The following GPATCH2 variants were observed in gnomAD, a reference collection of about 807,000 sequenced individuals.
The protein encoded by GPATCH2 is G patch domain-containing protein 2.
A neutral mutation model predicts 58.0 loss-of-function variants in GPATCH2; 51 were observed. That is an observed-to-expected ratio of 0.88 (90% confidence interval 0.70 to 1.11). GPATCH2 has a LOEUF of 1.11. Among genes scored for constraint, GPATCH2 ranks in the 50% most tolerant of loss-of-function variants. The probability of loss-of-function intolerance (pLI) is 0.00; values close to 1 mark genes in which losing one functional copy is unlikely to be tolerated. For missense variants in GPATCH2, 625 were observed against 652.2 expected, an observed-to-expected ratio of 0.96 and a Z score of 0.45; for synonymous variants, 222 against 218.5, an observed-to-expected ratio of 1.02 and a Z score of -0.14.
At chr1:217,596,445 C>T (rs1357137327) in intron 5 of GPATCH2, among the ~76,000 whole-genome samples, 1 of 152,110 alleles carries the variant, frequency 6.6e-6, no homozygotes, top group African/African-American at 2.4e-5. Flanking sequence ...CCTCAGTTTC[C>T]TGGTCTATAA....
intron 5 of GPATCH2, among the ~76,000 whole-genome samples, chr1:217,542,965 T>C: frequency 6.6e-6 from 1 of 152,152 alleles, no homozygotes; most frequent in Admixed American, 6.5e-5. Context: ...AATCTATCCC[T>C]GAGCTTAAGA....
At chr1:217,519,090 TTTTAA>T (rs1292760376) in intron 5 of GPATCH2, among the ~76,000 whole-genome samples, 2 of 152,252 alleles carry the variant, frequency 1.3e-5, no homozygotes, top group Admixed American at 6.5e-5. Context: ...CAATAATTCA[TTTTAA>T]TTAATAGACA....
At chr1:217,448,614 T>G (rs1455165305) in intron 9 of GPATCH2, among the ~76,000 whole-genome samples, 2 of 152,196 alleles carry the variant, frequency 1.3e-5, no homozygotes, top group Non-Finnish European at 2.9e-5. Context: ...CTTCCTGTCC[T>G]CTCCGATCTA....
At chr1:217,505,261 C>T (rs1259053128) in intron 6 of GPATCH2, among the ~76,000 whole-genome samples, 6 of 152,158 alleles carry the variant, frequency 3.9e-5, no homozygotes, top group African/African-American at 9.7e-5. Flanking sequence ...TAATCCTCAC[C>T]GCAGCACTGC....
chr1:217,581,176 C>G (rs1353152851), intron 5 of GPATCH2, among the ~76,000 whole-genome samples: 2 of 152,236 alleles, frequency 1.3e-5, no homozygotes, highest in East Asian at 3.8e-4. Context: ...GAAAGGATTT[C>G]TAGCCTCACG....
intron 8 of GPATCH2, among the ~76,000 whole-genome samples, chr1:217,483,982 T>C (rs143470634): frequency 1.2e-4 from 19 of 152,326 alleles, no homozygotes; most frequent in African/African-American, 4.6e-4. Flanking sequence ...TAAATTCCAA[T>C]TTATCAATTT....
intron 6 of GPATCH2, among the ~76,000 whole-genome samples, chr1:217,506,536 T>C (rs1662573734): frequency 6.6e-6 from 1 of 152,210 alleles, no homozygotes; most frequent in African/African-American, 2.4e-5. Flanking sequence ...ATAAGGAGGA[T>C]GCCTTTTGGC....
intron 5 of GPATCH2, among the ~76,000 whole-genome samples, chr1:217,550,377 T>G (rs887366845): frequency 3.5e-4 from 53 of 152,220 alleles, no homozygotes; most frequent in African/African-American, 1.3e-3. Context: ...GAGTACTGAT[T>G]TGAACTTAAG....
At chr1:217,548,495 C>T (rs978508369) in intron 5 of GPATCH2, among the ~76,000 whole-genome samples, 1 of 152,172 alleles carries the variant, frequency 6.6e-6, no homozygotes, top group East Asian at 1.9e-4. Flanking sequence ...AAATCTCAGT[C>T]GTGAAAAGAA....
rs995943536 is a variant in GPATCH2 at position 217,430,375 on chromosome 1, G to T, written c.*770C>A. ...AGGTAGAAGTACATCTGGATTAATAGAATTTACAGTTCAATCACGGTGAAT... is the reference window on the plus strand; with the variant it reads ...AGGTAGAAGTACATCTGGATTAATATAATTTACAGTTCAATCACGGTGAAT... On this transcript the variant is annotated 3_prime_UTR_variant, in exon 10 of 10. Coordinates refer to ENST00000366935, the MANE Select transcript of GPATCH2 (RefSeq NM_018040.5). 2.6e-5 allele frequency: 4 copies of T among 152,118 alleles called. No homozygotes were observed. The highest frequency in any genetic ancestry group is 9.7e-5 in the African/African-American group (4 of 41,420). The allele number at this position is 152,118 out of a possible 1,614,324, so 9.4% of individuals were successfully genotyped here. A position where few individuals can be genotyped will look rare whatever the true frequency, so the allele number is the denominator to read the frequency against.
At chr1:217,599,008 C>A (rs1667988799) in intron 5 of GPATCH2, among the ~76,000 whole-genome samples, 1 of 151,982 alleles carries the variant, frequency 6.6e-6, no homozygotes, top group Non-Finnish European at 1.5e-5. Context: ...AAAAAAGGTA[C>A]AGAATTGAAC....
At chr1:217,630,812 C>A in intron 1 of GPATCH2, 104 bp downstream of exon 1, 1 of 789,468 alleles carries the variant, frequency 1.3e-6, no homozygotes. Context: ...GTCTTCAGAT[C>A]ATCCATCACA....
chr1:217,460,797 C>T (rs891619461), intron 8 of GPATCH2, among the ~76,000 whole-genome samples: 3 of 152,192 alleles, frequency 2.0e-5, no homozygotes, highest in Non-Finnish European at 4.4e-5. Context: ...AAGTCCGCTC[C>T]ATAATTCTCT....
At chr1:217,518,793 C>G (rs1433996294) in intron 5 of GPATCH2, among the ~76,000 whole-genome samples, 1 of 152,222 alleles carries the variant, frequency 6.6e-6, no homozygotes, top group Non-Finnish European at 1.5e-5. Context: ...CTCTGCTTTT[C>G]AACTATATTT....
At chr1:217,626,016 C>T (rs1669438265) in intron 1 of GPATCH2, among the ~76,000 whole-genome samples, 1 of 152,052 alleles carries the variant, frequency 6.6e-6, no homozygotes, top group Non-Finnish European at 1.5e-5. Context: ...TCAAGGATAA[C>T]TGATTATAGC....
At chr1:217,618,174 C>T (rs1363558335) in intron 2 of GPATCH2, among the ~76,000 whole-genome samples, 1 of 149,836 alleles carries the variant, frequency 6.7e-6, no homozygotes, top group African/African-American at 2.5e-5. Flanking sequence ...TGACAATTTT[C>T]TTGCAAGAAA....
Position 217,514,875 on chromosome 1 carries a change from G to T in GPATCH2, c.1113C>A (p.Gly371=). The change falls in exon 6 of 10, where the codon GGC becomes GGA. Residue 371 remains glycine, a synonymous_variant. Transcript: ENST00000366935. ...GAACCATTCTCTTGTTACCCACTGG[G>T]CCAGGAATGGGTACCTACAGGGAGA... ...GTPTSMVPIP[G]PVGNKRMVHF... 1 of 1,507,442 alleles carries T rather than the reference G, an allele frequency of 6.6e-7. No individual in the cohort carries two copies. The highest frequency in any genetic ancestry group is 9.2e-7 in the Non-Finnish European group (1 of 1,082,964). The allele number at this position is 1,507,442 out of a possible 1,614,324, so 93.4% of individuals were successfully genotyped here.
intron 4 of GPATCH2, 146 bp from the exon 5 acceptor site, chr1:217,610,546 C>T (rs1668575649): frequency 1.6e-6 from 1 of 618,346 alleles, no homozygotes; most frequent in African/African-American, 1.9e-5. Flanking sequence ...GCAAAACTCA[C>T]ACTTAAAAAA....
At chr1:217,544,361 C>G (rs1664919012) in intron 5 of GPATCH2, among the ~76,000 whole-genome samples, 1 of 152,082 alleles carries the variant, frequency 6.6e-6, no homozygotes, top group Non-Finnish European at 1.5e-5. Flanking sequence ...CCACTGCACT[C>G]CAGCCTGAGC....
Sources: allele counts gnomAD v4.1 joint callset (sites outside exome capture counted in the v4.1 genomes callset), GRCh38; gene constraint gnomAD v4.1.1; transcripts MANE v1.5; gene names NCBI Gene and HGNC (gene_info 2026-07-23, HGNC 2026-07-21).